The following RIMS2 variants were observed in gnomAD, a reference collection of about 807,000 sequenced individuals.
RIMS2 encodes the protein regulating synaptic membrane exocytosis protein 2.
Under a neutral mutation model 174.4 loss-of-function variants are expected in RIMS2, and 59 were observed. That is an observed-to-expected ratio of 0.34 (90% confidence interval 0.27 to 0.42). RIMS2 has a LOEUF of 0.42. RIMS2 is among the 10% of genes least tolerant of loss of function. The pLI, the probability that RIMS2 is intolerant of heterozygous loss-of-function variation, is 1.00. For synonymous variants in RIMS2, 606 were observed against 572.5 expected, an observed-to-expected ratio of 1.06 and a Z score of -0.84; for missense variants, 1,620 against 1,666.3, an observed-to-expected ratio of 0.97 and a Z score of 0.48.
chr8:103,768,693 T>A, intron 3 of RIMS2: 1 of 774,270 alleles, frequency 1.3e-6, no homozygotes, highest in Non-Finnish European at 2.4e-6. Flanking sequence ...CCAAAAGAGC[T>A]AGCAGAATCC....
chr8:103,758,499 G>T (rs528801943), intron 2 of RIMS2, among the ~76,000 whole-genome samples: 1 of 152,070 alleles, frequency 6.6e-6, no homozygotes, highest in Admixed American at 6.5e-5. Context: ...ATTTTTTTCA[G>T]CTTTTTTTTA....
intron 1 of RIMS2, among the ~76,000 whole-genome samples, chr8:103,632,043 C>T (rs1218638528): frequency 6.6e-6 from 1 of 152,072 alleles, no homozygotes; most frequent in Non-Finnish European, 1.5e-5. Flanking sequence ...ATGGGGTTTT[C>T]TAGGTGTGGA....
chr8:104,115,194 C>T (rs181795099), intron 19 of RIMS2, among the ~76,000 whole-genome samples: 39 of 152,166 alleles, frequency 2.6e-4, no homozygotes, highest in Admixed American at 1.6e-3. Flanking sequence ...AGCTGCCTTT[C>T]GCTTTTTTAA....
intron 1 of RIMS2, among the ~76,000 whole-genome samples, chr8:103,695,827 A>G (rs939082474): frequency 1.1e-4 from 17 of 151,542 alleles, no homozygotes; most frequent in African/African-American, 3.9e-4. Context: ...TCTAATTCTT[A>G]TTGGGTTTCA....
At chr8:104,005,615 C>T (rs915783751) in intron 17 of RIMS2, among the ~76,000 whole-genome samples, 1 of 152,050 alleles carries the variant, frequency 6.6e-6, no homozygotes, top group African/African-American at 2.4e-5. Flanking sequence ...TATCAGGGGG[C>T]AGTGGGGATA....
chr8:104,223,685 G>A, intron 19 of RIMS2: 1 of 1,591,914 alleles, frequency 6.3e-7, no homozygotes, highest in Middle Eastern at 1.9e-4. Context: ...TGCCAGCGCT[G>A]CGGGGCGCTC....
intron 1 of RIMS2, among the ~76,000 whole-genome samples, chr8:103,591,238 C>T (rs2094241112): frequency 1.3e-5 from 2 of 150,736 alleles, no homozygotes; most frequent in South Asian, 4.2e-4. Context: ...ATGTTTTGCT[C>T]ATTTTTAGTA....
intron 1 of RIMS2, among the ~76,000 whole-genome samples, chr8:103,639,186 C>T (rs542110964): frequency 8.6e-5 from 13 of 151,964 alleles, no homozygotes; most frequent in South Asian, 6.2e-4. Context: ...GTTAAAATAT[C>T]CTTTCCTAAT....
At chr8:104,168,443 G>A (rs1408450620) in intron 19 of RIMS2, among the ~76,000 whole-genome samples, 2 of 151,980 alleles carry the variant, frequency 1.3e-5, no homozygotes, top group Admixed American at 6.6e-5. Flanking sequence ...AAGGGATTGG[G>A]TTGTTCATTT....
At chr8:103,699,596 G>A (rs949742507) in intron 2 of RIMS2, among the ~76,000 whole-genome samples, 3 of 151,282 alleles carry the variant, frequency 2.0e-5, no homozygotes, top group Admixed American at 1.3e-4. Flanking sequence ...TTCTTTTTTC[G>A]TTTCTTTTCT....
At chr8:103,739,999 T>G (rs1385641916) in intron 2 of RIMS2, among the ~76,000 whole-genome samples, 1 of 152,164 alleles carries the variant, frequency 6.6e-6, no homozygotes, top group African/African-American at 2.4e-5. Flanking sequence ...AGATGCATAT[T>G]TATAAATATG....
At chr8:103,522,874 A>G (rs1832378759) in intron 1 of RIMS2, among the ~76,000 whole-genome samples, 1 of 152,142 alleles carries the variant, frequency 6.6e-6, no homozygotes, top group South Asian at 2.1e-4. Context: ...CCTTGAGTTT[A>G]GCACAGTGCC....
At chr8:103,978,464 T>A (rs2093632997) in intron 16 of RIMS2, among the ~76,000 whole-genome samples, 1 of 140,614 alleles carries the variant, frequency 7.1e-6, no homozygotes, top group Admixed American at 6.9e-5. Context: ...TAACCACTAC[T>A]ACCACTTTGA....
intron 3 of RIMS2, among the ~76,000 whole-genome samples, chr8:103,780,511 C>A (rs1256845817): frequency 6.6e-6 from 1 of 151,982 alleles, no homozygotes; most frequent in Non-Finnish European, 1.5e-5. Context: ...TCTGCTTGAT[C>A]CATTCTGTTG....
intron 2 of RIMS2, among the ~76,000 whole-genome samples, chr8:103,723,101 G>A (rs2097476335): frequency 6.6e-6 from 1 of 152,176 alleles, no homozygotes; most frequent in South Asian, 2.1e-4. Context: ...GACAGAGCAA[G>A]ACCCTGTCTC....
rs143882176 is a variant in RIMS2 at position 103,622,177 on chromosome 8, G to C, written c.177-74909G>C. Among the ~76,000 whole-genome samples, 392 of 152,176 alleles carry C rather than the reference G, an allele frequency of 2.6e-3. 2 individuals carry two copies. The highest frequency in any genetic ancestry group is 8.9e-3 in the African/African-American group (368 of 41,542). ...TTATGAAGAAAGAAAAAATACTTTT[G>C]CTATAGTGGATTATAAGAATTTATA... On this transcript the variant is annotated intron_variant, in intron 1 of 23. Coordinates refer to ENST00000504942, the Ensembl canonical transcript of RIMS2.
At chr8:103,686,309 C>T (rs1052295687) in intron 1 of RIMS2, among the ~76,000 whole-genome samples, 3 of 152,054 alleles carry the variant, frequency 2.0e-5, no homozygotes, top group African/African-American at 7.2e-5. Context: ...AATCTGTAAG[C>T]TTTTTATTTT....
At chr8:103,928,019 A>G (rs964120089) in intron 11 of RIMS2, 4 of 667,126 alleles carry the variant, frequency 6.0e-6, no homozygotes, top group Non-Finnish European at 1.0e-5. Flanking sequence ...CTTTCAAATC[A>G]TTTTATTAGC....
chr8:104,186,557 G>A (rs1450652890), intron 19 of RIMS2, among the ~76,000 whole-genome samples: 1 of 151,752 alleles, frequency 6.6e-6, no homozygotes, highest in East Asian at 1.9e-4. Context: ...GGGAGAATTA[G>A]TAGCTCCCTT....
Sources: gnomAD v4.1 joint callset for allele counts (sites outside exome capture counted in the v4.1 genomes callset) on GRCh38, gnomAD v4.1.1 for gene constraint, MANE v1.5 for transcripts, NCBI Gene and HGNC (gene_info 2026-07-23, HGNC 2026-07-21) for gene names.